RRM2B: variants seen among roughly 807,000 people sequenced by gnomAD.
The protein encoded by RRM2B is ribonucleotide reductase regulatory TP53 inducible subunit M2B.
Under a neutral mutation model 45.9 loss-of-function variants are expected in RRM2B, and 20 were observed. The ratio of observed to expected loss-of-function variants is 0.44; its 90% CI spans 0.31 to 0.63. The LOEUF is 0.63. Among genes scored for constraint, RRM2B ranks in the 30% least tolerant of loss-of-function variants. The pLI is 0.09. For missense variants in RRM2B, 320 were observed against 414.7 expected (o/e 0.77, Z 1.98); for synonymous variants, 124 against 132.3 (o/e 0.94, Z 0.43).
Position 102,207,944 on chromosome 8 carries a change from T to G in RRM2B, c.*189A>C. On this transcript the variant is annotated 3_prime_UTR_variant, in exon 9 of 9. Transcript: ENST00000251810. ...TTATTTCAGTGACAAGACAAAAGCATTTAGGTCACACTCTTGTTGTTAAAC... is the reference window on the plus strand; with the variant it reads ...TTATTTCAGTGACAAGACAAAAGCAGTTAGGTCACACTCTTGTTGTTAAAC... 1.8e-6 allele frequency: 1 copy of G among 550,700 alleles called. No homozygotes were observed. The allele number at this position is 550,700 out of a possible 1,614,324, so 34.1% of individuals were successfully genotyped here. A position where few individuals can be genotyped will look rare whatever the true frequency, so the allele number is the denominator to read the frequency against.
intron 5 of RRM2B, among the ~76,000 whole-genome samples, chr8:102,220,305 T>A (rs913779300): frequency 3.3e-5 from 5 of 152,242 alleles, no homozygotes; most frequent in African/African-American, 4.8e-5. Context: ...ACTTACTGTA[T>A]CTTTTATCTT....
chr8:102,230,670 T>C (rs968207061), intron 2 of RRM2B, among the ~76,000 whole-genome samples: 1 of 152,206 alleles, frequency 6.6e-6, no homozygotes, highest in Non-Finnish European at 1.5e-5. Context: ...AATATAACAC[T>C]ACAATATAAC....
At chr8:102,213,883 T>A (rs1810677991) in intron 7 of RRM2B, among the ~76,000 whole-genome samples, 171 bp downstream of exon 7, 1 of 152,186 alleles carries the variant, frequency 6.6e-6, no homozygotes, top group South Asian at 2.1e-4. Context: ...TAAAGCAAAT[T>A]GTAAACTGAC....
chr8:102,233,505 A>T (rs1256219953), intron 1 of RRM2B, among the ~76,000 whole-genome samples: 1 of 152,200 alleles, frequency 6.6e-6, no homozygotes, highest in Non-Finnish European at 1.5e-5. Flanking sequence ...ATGGGCTGCT[A>T]ATTTCTCTTC....
rs29000293 is a variant in RRM2B, at chr8:102,204,578, A to G, written c.*3555T>C. ...CTTCCTCAAAAAGGAAATGTACAAA[A>G]TGATGAAGATACCATAGTTTATTTC... On this transcript the variant is annotated 3_prime_UTR_variant, in exon 9 of 9. Coordinates refer to ENST00000251810, the MANE Select transcript of RRM2B (RefSeq NM_015713.5). 1,534 of 152,296 alleles carry G rather than the reference A, an allele frequency of 0.01. 16 individuals are homozygous for G. The highest frequency in any genetic ancestry group is 0.034 in the African/African-American group (1,395 of 41,564). The allele number at this position is 152,296 out of a possible 1,614,324, so 9.4% of individuals were successfully genotyped here. A position where few individuals can be genotyped will look rare whatever the true frequency, so the allele number is the denominator to read the frequency against.
Position 102,212,754 on chromosome 8 carries a change from AAC to A in RRM2B, c.903+20_903+21del. 8.1e-7 allele frequency: 1 copy of A among 1,234,498 alleles called. No homozygotes were observed. The highest frequency in any genetic ancestry group is 1.2e-5 in the South Asian group (1 of 82,912). The allele number at this position is 1,234,498 out of a possible 1,614,324, so 76.5% of individuals were successfully genotyped here. On this transcript the variant is annotated intron_variant, in intron 8 of 8. Transcript: ENST00000251810. ...TTCCTATAATATTTTAACTAGTAGT[AAC>A]ACATTTTTAAACACATTACCTTTGA... is the stretch of plus-strand genomic sequence containing the variant.
chr8:102,225,073 T>C (rs1340405725), intron 3 of RRM2B, 55 bp from the exon 4 acceptor site: 3 of 1,588,208 alleles, frequency 1.9e-6, no homozygotes, highest in Non-Finnish European at 2.6e-6. Flanking sequence ...CATTAAACAC[T>C]GCAAATCAGA....
Position 102,205,882 on chromosome 8 carries a change from A to G in RRM2B, c.*2251T>C, listed in dbSNP as rs191550743. 6.6e-6 allele frequency: 1 copy of G among 152,272 alleles called. No homozygotes were observed. Among genetic ancestry groups the G allele is most frequent in the East Asian group, 1.9e-4 (1 of 5,190 alleles). The allele number at this position is 152,272 out of a possible 1,614,324, so 9.4% of individuals were successfully genotyped here. On this transcript the variant is annotated 3_prime_UTR_variant, in exon 9 of 9. Transcript: ENST00000251810. ...TGCATTAAAAATCCAGTATGTCAGT[A>G]TTAAGACTTCTTCATCCAAATCCAG...
At position 102,223,445 on chromosome 8, in the gene RRM2B, C is replaced by A. The variant is rs1391391510; in HGVS notation, c.550+601G>T. Among the ~76,000 whole-genome samples, 6 of 152,252 alleles carry A rather than the reference C, an allele frequency of 3.9e-5. No individual in the cohort carries two copies. The South Asian group carries it at 1.2e-3, about 32-fold the overall frequency. On this transcript the variant is annotated intron_variant, in intron 5 of 8. Transcript: ENST00000251810. ...CAGTGGCTCATGCCTGCAGTCCCAG[C>A]ACTTTGGGAGGCCAAGGTGGGCGGG...
At chr8:102,211,761 TTAATTAG>T (rs1479813775) in intron 8 of RRM2B, among the ~76,000 whole-genome samples, 2 of 152,222 alleles carry the variant, frequency 1.3e-5, no homozygotes, top group African/African-American at 4.8e-5. Flanking sequence ...TGATTTCTCA[TTAATTAG>T]TAAACACAGA....
At chr8:102,220,642 T>G (rs2132551148) in intron 5 of RRM2B, among the ~76,000 whole-genome samples, 1 of 152,324 alleles carries the variant, frequency 6.6e-6, no homozygotes, top group South Asian at 2.1e-4. Context: ...CTCTCTACGT[T>G]GCCCTGGCTG....
At chr8:102,228,498 A>G (rs1810973067) in intron 2 of RRM2B, among the ~76,000 whole-genome samples, 1 of 152,210 alleles carries the variant, frequency 6.6e-6, no homozygotes, top group African/African-American at 2.4e-5. Flanking sequence ...ACTGGTGGAG[A>G]CCAACTGCCC....
At chr8:102,215,965 A>T (rs994149407) in intron 6 of RRM2B, among the ~76,000 whole-genome samples, 6 of 147,642 alleles carry the variant, frequency 4.1e-5, no homozygotes, top group Non-Finnish European at 7.6e-5. Flanking sequence ...AAAAAAAAAA[A>T]AGAATAGAAT....
rs1320460493 is a variant in RRM2B at position 102,205,346 on chromosome 8, TA to T, written c.*2786del. The T allele has an allele frequency of 3.3e-5, 5 of 152,008 alleles. No homozygotes were observed. Among genetic ancestry groups the T allele is most frequent in the African/African-American group, 9.7e-5 (4 of 41,382 alleles). 9.4% of individuals were successfully genotyped at this position (152,008 alleles called of 1,614,324 possible). On this transcript the variant is annotated 3_prime_UTR_variant, in exon 9 of 9. Coordinates refer to ENST00000251810, the MANE Select transcript of RRM2B (RefSeq NM_015713.5). ...TCTCAATAATCAATTCATGCACAAATAAAAAATGGCAATAGAAAAAGCAGAA... is the reference window on the plus strand; with the variant it reads ...TCTCAATAATCAATTCATGCACAAATAAAAATGGCAATAGAAAAAGCAGAA...
At chr8:102,209,112 T>C (rs942800501) in intron 8 of RRM2B, among the ~76,000 whole-genome samples, 6 of 152,144 alleles carry the variant, frequency 3.9e-5, no homozygotes, top group African/African-American at 1.4e-4. Context: ...ATCATGCCAT[T>C]GCACTGTAGC....
At position 102,224,068 on chromosome 8, in the gene RRM2B, T is replaced by C. The variant is rs760927207; in HGVS notation, c.528A>G (p.Ile176Met). The change falls in exon 5 of 9, where the codon ATA becomes ATG. Residue 176 changes from isoleucine to methionine, a missense_variant. By Grantham distance (10) the Ile-to-Met change is conservative. This residue lies in a region of RRM2B where 225 missense variants were observed against 289.4 expected (regional missense o/e 0.78). Coordinates refer to ENST00000251810, the MANE Select transcript of RRM2B (RefSeq NM_015713.5). ...KKKADWALRW[I>M]ADRKSTFGER... ...TACCAAAAGTAGATTTTCTATCTGC[T>C]ATCCATCGCAAGGCCCAATCTGCTT... 6.2e-7 allele frequency: 1 copy of C among 1,612,874 alleles called. No individual in the cohort carries two copies. Among genetic ancestry groups the C allele is most frequent in the Non-Finnish European group, 8.5e-7 (1 of 1,178,998 alleles).
At chr8:102,225,844 T>G in intron 3 of RRM2B, 74 bp downstream of exon 3, 1 of 858,610 alleles carries the variant, frequency 1.2e-6, no homozygotes. Flanking sequence ...TTGGCTGAAT[T>G]TAATAATCTT....
intron 6 of RRM2B, among the ~76,000 whole-genome samples, chr8:102,215,191 T>C (rs1485216606): frequency 6.6e-6 from 1 of 150,930 alleles, no homozygotes; most frequent in East Asian, 2.0e-4. Context: ...GGTGGGCAGA[T>C]TCCTTGAGTT....
Position 102,208,085 on chromosome 8 carries a change from T to C in RRM2B, c.*48A>G, listed in dbSNP as rs755504563. ...TTTTTTTAAGCAGAGGAAAATAGACTACTATTTACCAATGACAAGTTTATA... is the reference window on the plus strand; with the variant it reads ...TTTTTTTAAGCAGAGGAAAATAGACCACTATTTACCAATGACAAGTTTATA... On this transcript the variant is annotated 3_prime_UTR_variant, in exon 9 of 9. Transcript: ENST00000251810. The C allele has an allele frequency of 2.7e-6, 4 of 1,502,994 alleles. No individual in the cohort carries two copies. Among genetic ancestry groups the C allele is most frequent in the Non-Finnish European group, 3.7e-6 (4 of 1,085,250 alleles). The allele number at this position is 1,502,994 out of a possible 1,614,324, so 93.1% of individuals were successfully genotyped here.
Sources: gnomAD v4.1 joint callset for allele counts (sites outside exome capture counted in the v4.1 genomes callset) on GRCh38, gnomAD v4.1.1 for gene constraint, gnomAD v4.1.1 regional missense constraint, MANE v1.5 for transcripts, NCBI Gene and HGNC (gene_info 2026-07-23, HGNC 2026-07-21) for gene names.